ULK4: variants seen among roughly 807,000 people sequenced by gnomAD.
ULK4 encodes inactive serine/threonine-protein kinase ULK4.
In ULK4, 133 loss-of-function variants were observed where a neutral mutation model predicts 160.6. The observed-to-expected ratio is 0.83, with a 90% confidence interval of 0.72 to 0.96. The LOEUF is 0.96. ULK4 is among the 40% of genes least tolerant of loss of function. The pLI is 0.00. For missense variants in ULK4, 1,580 were observed against 1,499.5 expected (o/e 1.05, Z -0.89); for synonymous variants, 534 against 539.8 (o/e 0.99, Z 0.15).
At chr3:41,702,886 G>A (rs189892626) in intron 27 of ULK4, among the ~76,000 whole-genome samples, 5 of 135,468 alleles carry the variant, frequency 3.7e-5, no homozygotes, top group Middle Eastern at 3.8e-3. Flanking sequence ...ATGGAGTTTC[G>A]CTTTGTCACC....
chr3:41,613,198 T>G (rs887466092), intron 31 of ULK4, among the ~76,000 whole-genome samples: 5 of 152,152 alleles, frequency 3.3e-5, no homozygotes, highest in African/African-American at 1.2e-4. Context: ...TATATACTGC[T>G]TCCTTGAAAC....
intron 35 of ULK4, among the ~76,000 whole-genome samples, chr3:41,381,059 A>G (rs1394736936): frequency 6.6e-6 from 1 of 152,106 alleles, no homozygotes; most frequent in Non-Finnish European, 1.5e-5. Flanking sequence ...ATGTCACCAG[A>G]GAACACCTTC....
rs184541140 is a variant in ULK4, at chr3:41,907,856, G to A, written c.1171C>T (p.Pro391Ser). Residue 391 changes from proline (P) to serine (S), a missense_variant, in exon 12 of 37, where the codon CCT (proline) becomes TCT (serine). Pro to Ser is a moderately conservative substitution (Grantham distance 74). Coordinates refer to ENST00000301831, the MANE Select transcript of ULK4 (RefSeq NM_017886.4). ...CCAAGTCTGCTCACCTTGGTCAGAGGAGAAGTCTTCTGTGGTGAACAGTGA... is the reference window on the plus strand; with the variant it reads ...CCAAGTCTGCTCACCTTGGTCAGAGAAGAAGTCTTCTGTGGTGAACAGTGA... Reference protein sequence around the residue: ...MTHCSPQKTSPLTKITSGHLS... With the variant: ...MTHCSPQKTSSLTKITSGHLS... 7,457 of 1,588,100 alleles carry A rather than the reference G, an allele frequency of 4.7e-3. 24 individuals are homozygous for A. The highest frequency in any genetic ancestry group is 5.7e-3 in the Non-Finnish European group (6,686 of 1,168,780).
intron 32 of ULK4, among the ~76,000 whole-genome samples, chr3:41,491,702 T>A (rs562530079): frequency 8.5e-4 from 129 of 152,212 alleles, no homozygotes; most frequent in African/African-American, 2.8e-3. Flanking sequence ...TTTTTATATT[T>A]TTTTTTATTC....
At position 41,866,240 on chromosome 3, in the gene ULK4, C is replaced by A. The variant is rs561713382; in HGVS notation, c.1656+17634G>T. On this transcript the variant is annotated intron_variant, in intron 17 of 36. Transcript: ENST00000301831. ...CGTAAGACCTCCACTATGCTGTTATCGTTCATGCTGTGTTGCTTGTCTTGT... is the reference window on the plus strand; with the variant it reads ...CGTAAGACCTCCACTATGCTGTTATAGTTCATGCTGTGTTGCTTGTCTTGT... 1.2e-4 allele frequency among the ~76,000 whole-genome samples: 18 copies of A among 152,298 alleles called. No individual in the cohort carries two copies. In the South Asian group the frequency reaches 3.5e-3, roughly 30 times the overall value.
intron 22 of ULK4, among the ~76,000 whole-genome samples, chr3:41,750,598 T>C (rs1415016194): frequency 6.6e-6 from 1 of 152,216 alleles, no homozygotes; most frequent in East Asian, 1.9e-4. Flanking sequence ...TGTCTTCCAG[T>C]TCTAGACTTT....
intron 3 of ULK4, chr3:41,937,451 T>C: frequency 3.4e-6 from 2 of 589,106 alleles, no homozygotes; most frequent in Non-Finnish European, 3.0e-6. Context: ...TAGTAATAAT[T>C]ATATCAATAT....
At chr3:41,955,671 G>T in intron 1 of ULK4, 1 of 153,908 alleles carries the variant, frequency 6.5e-6, no homozygotes, top group South Asian at 1.9e-4. Flanking sequence ...TCATCAAGAA[G>T]AGAGTGGGGG....
intron 18 of ULK4, among the ~76,000 whole-genome samples, chr3:41,830,943 C>T (rs757417675): frequency 3.3e-5 from 5 of 151,164 alleles, no homozygotes; most frequent in Admixed American, 6.6e-5. Context: ...CAAAGAACTG[C>T]GAGGAAAAGT....
chr3:41,421,356 G>T (rs568405667), intron 34 of ULK4, among the ~76,000 whole-genome samples: 1 of 152,060 alleles, frequency 6.6e-6, no homozygotes, highest in East Asian at 1.9e-4. Flanking sequence ...GACTAGTAGT[G>T]GCATTCTTCT....
rs1045347287 is a variant in ULK4, at chr3:41,717,893, C to G, written c.2322-32G>C. Reference sequence around the variant, plus strand: ...ACAGGAAAGTGCAAAGATTACCTCTCATGATAAAACACTTGATAGCATCTA... The same window carrying G: ...ACAGGAAAGTGCAAAGATTACCTCTGATGATAAAACACTTGATAGCATCTA... On this transcript the variant is annotated intron_variant, in intron 22 of 36. Coordinates refer to ENST00000301831, the MANE Select transcript of ULK4 (RefSeq NM_017886.4). 7.5e-6 allele frequency: 12 copies of G among 1,598,236 alleles called. No individual in the cohort carries two copies. The East Asian group carries it at 2.7e-4, about 36-fold the overall frequency.
intron 21 of ULK4, among the ~76,000 whole-genome samples, chr3:41,769,550 T>C (rs2039283178): frequency 6.6e-6 from 1 of 152,146 alleles, no homozygotes; most frequent in Admixed American, 6.5e-5. Flanking sequence ...TTTAGTTCTA[T>C]AACCCAAATC....
At chr3:41,421,807 T>A (rs1175554855) in intron 34 of ULK4, among the ~76,000 whole-genome samples, 1 of 152,154 alleles carries the variant, frequency 6.6e-6, no homozygotes, top group East Asian at 1.9e-4. Context: ...CTCTCTACAC[T>A]CCAAATCATT....
chr3:41,260,489 G>A (rs1468602941), intron 35 of ULK4, among the ~76,000 whole-genome samples: 1 of 152,216 alleles, frequency 6.6e-6, no homozygotes, highest in Non-Finnish European at 1.5e-5. Context: ...ATGGCCTCCA[G>A]CTGCCTCACA....
chr3:41,888,361 T>C (rs1697802299), intron 16 of ULK4, among the ~76,000 whole-genome samples: 1 of 152,144 alleles, frequency 6.6e-6, no homozygotes, highest in Non-Finnish European at 1.5e-5. Flanking sequence ...AGGCTAAAAG[T>C]GGACTAGAAA....
At chr3:41,394,965 A>T (rs536980819) in intron 35 of ULK4, among the ~76,000 whole-genome samples, 1 of 152,272 alleles carries the variant, frequency 6.6e-6, no homozygotes, top group Admixed American at 6.5e-5. Context: ...ACCCTCCAGA[A>T]GAGGGTAGAA....
chr3:41,415,581 T>C (rs758268969), intron 34 of ULK4, among the ~76,000 whole-genome samples: 9 of 152,170 alleles, frequency 5.9e-5, no homozygotes, highest in Non-Finnish European at 1.3e-4. Flanking sequence ...TCACTGCCTA[T>C]TTTCAAAAGG....
At chr3:41,433,667 T>C (rs2082964241) in intron 34 of ULK4, among the ~76,000 whole-genome samples, 1 of 152,188 alleles carries the variant, frequency 6.6e-6, no homozygotes, top group Non-Finnish European at 1.5e-5. Context: ...CCAAAATAGT[T>C]ATACAGATTG....
At chr3:41,297,293 G>A (rs1375666252) in intron 35 of ULK4, among the ~76,000 whole-genome samples, 1 of 152,206 alleles carries the variant, frequency 6.6e-6, no homozygotes, top group African/African-American at 2.4e-5. Flanking sequence ...TCACTGGGCG[G>A]GGGGTTGGAG....
Sources: gnomAD v4.1 joint callset for allele counts (sites outside exome capture counted in the v4.1 genomes callset) on GRCh38, gnomAD v4.1.1 for gene constraint, MANE v1.5 for transcripts, NCBI Gene and HGNC (gene_info 2026-07-23, HGNC 2026-07-21) for gene names.